Variants in EGF observed in about 807,000 individuals in gnomAD.
EGF encodes pro-epidermal growth factor.
Under a neutral mutation model 143.8 loss-of-function variants are expected in EGF, and 95 were observed. The ratio of observed to expected loss-of-function variants is 0.66; its 90% CI spans 0.56 to 0.78. The LOEUF is 0.78. Ranked by LOEUF, EGF falls within the 30% of genes least tolerant of loss-of-function variation. EGF has a pLI of 0.00. For missense variants in EGF, 1,320 were observed against 1,470.9 expected (o/e 0.90, Z 1.68); for synonymous variants, 510 against 510.5 (o/e 1.00, Z 0.01).
At chr4:109,993,628 T>C (rs1476434629) in intron 19 of EGF, among the ~76,000 whole-genome samples, 2 of 152,236 alleles carry the variant, frequency 1.3e-5, no homozygotes, top group South Asian at 2.1e-4. Flanking sequence ...TCTCTTCAAC[T>C]GTGCAACTAA....
At chr4:109,980,211 G>A (rs1208370601) in intron 14 of EGF, 72 bp downstream of exon 14, 2 of 1,477,304 alleles carry the variant, frequency 1.4e-6, no homozygotes, top group Non-Finnish European at 1.8e-6. Flanking sequence ...TTGATGTCAT[G>A]CAGTTGGCGG....
At chr4:110,006,707 T>C (rs914975821) in intron 22 of EGF, among the ~76,000 whole-genome samples, 4 of 152,224 alleles carry the variant, frequency 2.6e-5, no homozygotes, top group African/African-American at 9.6e-5. Context: ...AATCTGTGTA[T>C]GACTATTAAA....
At chr4:109,974,913 G>C (rs1201098722) in intron 12 of EGF, 106 bp downstream of exon 12, 1 of 798,626 alleles carries the variant, frequency 1.3e-6, no homozygotes, top group African/African-American at 1.7e-5. Flanking sequence ...CATGCAATTT[G>C]TTCAAATCTT....
intron 14 of EGF, chr4:109,980,522 C>T (rs1749182642): frequency 2.1e-6 from 1 of 472,856 alleles, no homozygotes; most frequent in Non-Finnish European, 3.8e-6. Flanking sequence ...TTCTGAATTG[C>T]TCTTTGTCAG....
intron 5 of EGF, among the ~76,000 whole-genome samples, chr4:109,955,823 G>A (rs1744700214): frequency 6.6e-6 from 1 of 152,158 alleles, no homozygotes; most frequent in Non-Finnish European, 1.5e-5. Context: ...GACTATAAAT[G>A]TGAATAGGGC....
intron 5 of EGF, among the ~76,000 whole-genome samples, chr4:109,952,395 C>T (rs1367093061): frequency 6.6e-6 from 1 of 152,116 alleles, no homozygotes; most frequent in Admixed American, 6.6e-5. Context: ...AAAAAGATGG[C>T]TGAATTTAAT....
chr4:109,991,600 AAG>A (rs1466560464), intron 18 of EGF, among the ~76,000 whole-genome samples: 4 of 152,230 alleles, frequency 2.6e-5, no homozygotes, highest in Non-Finnish European at 5.9e-5. Context: ...GTAGCTGAGA[AAG>A]AAAAAATGGT....
At chr4:109,959,018 G>A (rs1745249497) in intron 5 of EGF, 1 of 367,364 alleles carries the variant, frequency 2.7e-6, no homozygotes, top group African/African-American at 2.1e-5. Context: ...TGTGATAAAA[G>A]TACATTAGAA....
Position 109,943,947 on chromosome 4 carries a change from G to A in EGF, c.615G>A (p.Val205=). Residue 205 remains valine (V), a synonymous_variant, in exon 4 of 24, where the codon GTG becomes GTA. Coordinates refer to ENST00000265171, the MANE Select transcript of EGF (RefSeq NM_001963.6). ...AGACATCAGAGAAAATAACAGCTGTGTCATTGGATGTGCTTGATAAGCGGC... is the reference window on the plus strand; with the variant it reads ...AGACATCAGAGAAAATAACAGCTGTATCATTGGATGTGCTTGATAAGCGGC... ...LLETSEKITA[V]SLDVLDKRLF... is the part of the protein sequence containing the mutation. 6.2e-7 allele frequency: 1 copy of A among 1,614,192 alleles called. No homozygotes were observed.
intron 15 of EGF, 78 bp downstream of exon 15, chr4:109,981,053 C>T (rs748966823): frequency 6.3e-6 from 10 of 1,584,156 alleles, no homozygotes; most frequent in Non-Finnish European, 7.8e-6. Context: ...TATGCTTTTG[C>T]TGATTTTGAA....
intron 10 of EGF, 158 bp from the exon 11 acceptor site, chr4:109,968,813 G>A (rs185818628): frequency 3.2e-5 from 26 of 806,156 alleles, no homozygotes; most frequent in African/African-American, 1.0e-4. Context: ...AAGGTTACAC[G>A]TATCTGGGAA....
intron 13 of EGF, among the ~76,000 whole-genome samples, chr4:109,979,450 G>A (rs11569009): frequency 0.017 from 2,641 of 151,906 alleles, 84 homozygotes; most frequent in African/African-American, 0.058. Flanking sequence ...GAAGGTGGGG[G>A]ACTAATGCAG....
At chr4:109,968,774 A>G in intron 10 of EGF, 197 bp from the exon 11 acceptor site, 1 of 612,464 alleles carries the variant, frequency 1.6e-6, no homozygotes, top group Non-Finnish European at 2.8e-6. Context: ...TGAGGAAACT[A>G]AGATTCTGAG....
At chr4:110,000,140 A>T (rs1285384507) in intron 21 of EGF, among the ~76,000 whole-genome samples, 1 of 151,436 alleles carries the variant, frequency 6.6e-6, no homozygotes, top group Non-Finnish European at 1.5e-5. Context: ...AATCTCAGCT[A>T]CTCGGGAGGC....
intron 1 of EGF, among the ~76,000 whole-genome samples, chr4:109,918,261 T>TG (rs1737056144): frequency 1.3e-5 from 2 of 150,936 alleles, no homozygotes; most frequent in East Asian, 1.9e-4. Flanking sequence ...TGTGGTTTTT[T>TG]TTTTTTTTTT....
At chr4:109,917,154 A>C (rs1170546467) in intron 1 of EGF, among the ~76,000 whole-genome samples, 1 of 152,190 alleles carries the variant, frequency 6.6e-6, no homozygotes, top group Non-Finnish European at 1.5e-5. Flanking sequence ...CGATTATTTC[A>C]GTTTTTTGCA....
intron 1 of EGF, among the ~76,000 whole-genome samples, chr4:109,916,746 T>C (rs1055315602): frequency 1.0e-5 from 1 of 98,972 alleles, no homozygotes; most frequent in African/African-American, 8.2e-5. Flanking sequence ...ATTCTATTAA[T>C]GTTTTGTTGT....
At chr4:109,918,044 T>C (rs549165270) in intron 1 of EGF, among the ~76,000 whole-genome samples, 78 of 152,366 alleles carry the variant, frequency 5.1e-4, no homozygotes, top group African/African-American at 1.8e-3. Flanking sequence ...ATGTACACTG[T>C]ACACATGAAC....
rs3822286 is a variant in EGF at position 110,004,303 on chromosome 4, G to A, written c.3174-202G>A. 0.069 allele frequency: 44,409 copies of A among 643,582 alleles called. 5,957 individuals are homozygous for A. The highest frequency in any genetic ancestry group is 0.4 in the East Asian group (13,947 of 34,438). The allele number at this position is 643,582 out of a possible 1,614,324, so 39.9% of individuals were successfully genotyped here. On this transcript the variant is annotated intron_variant, in intron 21 of 23. Coordinates refer to ENST00000265171, the MANE Select transcript of EGF (RefSeq NM_001963.6). ...AGAACCTTGGAAAGAGTGAAACACT[G>A]TCTGGAAAGCATTTTGAGTTCTGCA...
Sources: allele counts gnomAD v4.1 joint callset (sites outside exome capture counted in the v4.1 genomes callset), GRCh38; gene constraint gnomAD v4.1.1; transcripts MANE v1.5; gene names NCBI Gene and HGNC (gene_info 2026-07-23, HGNC 2026-07-21).